The following HABP2 variants were observed in gnomAD, a reference collection of about 807,000 sequenced individuals.
HABP2 encodes the protein factor VII-activating protease.
In HABP2, 65 loss-of-function variants were observed where a neutral mutation model predicts 66.5. The observed-to-expected ratio is 0.98, with a 90% confidence interval of 0.80 to 1.20. HABP2 has a LOEUF of 1.20. HABP2 is among the 50% of genes most tolerant of loss of function. HABP2 has a pLI of 0.00. For missense variants in HABP2, 786 were observed against 691.0 expected, an observed-to-expected ratio of 1.14 and a Z score of -1.54; for synonymous variants, 263 against 253.9, an observed-to-expected ratio of 1.04 and a Z score of -0.34.
chr10:113,586,396 AAAG>A (rs1346109243), intron 12 of HABP2, among the ~76,000 whole-genome samples: 3 of 150,398 alleles, frequency 2.0e-5, no homozygotes, highest in Non-Finnish European at 4.4e-5. Context: ...CTAGAAGGAG[AAAG>A]AAGAAGGCCT....
At position 113,588,712 on chromosome 10, in the gene HABP2, C is replaced by T; in HGVS notation, c.*343C>T. 1.8e-6 allele frequency: 1 copy of T among 547,888 alleles called. No individual in the cohort carries two copies. Among genetic ancestry groups the T allele is most frequent in the Non-Finnish European group, 3.2e-6 (1 of 311,496 alleles). 33.9% of individuals were successfully genotyped at this position (547,888 alleles called of 1,614,324 possible). On this transcript the variant is annotated 3_prime_UTR_variant, in exon 13 of 13. Coordinates refer to ENST00000351270, the MANE Select transcript of HABP2 (RefSeq NM_004132.5). The stretch of plus-strand genomic sequence containing the variant: ...CAAATGCAGACTCCAGAATCCCCAG[C>T]ATCAGCGGGAACCACCATCACATCT...
At position 113,583,305 on chromosome 10, in the gene HABP2, T is replaced by C; in HGVS notation, c.1184T>C (p.Ile395Thr). ...GAGCAGAGCTTTAGGGTGGAGAAGA[T>C]ATTCAAGTACAGCCACTACAATGAA... Reference protein sequence around the residue: ...FHEQSFRVEKIFKYSHYNERD... With the variant: ...FHEQSFRVEKTFKYSHYNERD... The change falls in exon 10 of 13, where the codon ATA becomes ACA. Residue 395 changes from isoleucine (I) to threonine (T), a missense_variant. Physicochemically the swap from Ile to Thr is moderately conservative, Grantham distance 89. Transcript: ENST00000351270. 1 of 1,612,058 alleles carries C rather than the reference T, an allele frequency of 6.2e-7. No homozygotes were observed. The highest frequency in any genetic ancestry group is 8.5e-7 in the Non-Finnish European group (1 of 1,178,120).
At chr10:113,571,264 G>T (rs1407691584) in intron 2 of HABP2, among the ~76,000 whole-genome samples, 1 of 152,154 alleles carries the variant, frequency 6.6e-6, no homozygotes, top group African/African-American at 2.4e-5. Context: ...AGATTGGCTG[G>T]CCTCTTATCT....
intron 4 of HABP2, 105 bp downstream of exon 4, chr10:113,576,109 C>A: frequency 1.4e-6 from 1 of 724,642 alleles, no homozygotes; most frequent in Non-Finnish European, 2.5e-6. Flanking sequence ...ATTATAACTG[C>A]AATACTGTAT....
At chr10:113,576,309 C>T (rs1845408374) in intron 4 of HABP2, among the ~76,000 whole-genome samples, 1 of 152,122 alleles carries the variant, frequency 6.6e-6, no homozygotes, top group Non-Finnish European at 1.5e-5. Flanking sequence ...AGTCTAACTG[C>T]AACAGAGCCA....
rs962460405 is a variant in HABP2 at position 113,589,508 on chromosome 10, C to T, written c.*1139C>T. 1 of 811,562 alleles carries T rather than the reference C, an allele frequency of 1.2e-6. No homozygotes were observed. The highest frequency in any genetic ancestry group is 1.9e-6 in the Non-Finnish European group (1 of 519,248). The allele number at this position is 811,562 out of a possible 1,614,324, so 50.3% of individuals were successfully genotyped here. The stretch of plus-strand genomic sequence containing the variant: ...ACCTGCGTGTCATCTGCCTGGTCAT[C>T]TCAGACCCATGAAATTAGGCGCCTT... On this transcript the variant is annotated 3_prime_UTR_variant, in exon 13 of 13. Transcript: ENST00000351270.
chr10:113,562,376 C>A lies in HABP2; in HGVS notation c.70-5113C>A, dbSNP rs564357244. Among the ~76,000 whole-genome samples the A allele has an allele frequency of 1.8e-4, 28 of 151,866 alleles. No homozygotes were observed. The East Asian group carries it at 4.8e-3, about 26-fold the overall frequency. On this transcript the variant is annotated intron_variant, in intron 1 of 12. Transcript: ENST00000351270. ...CTCAATCTGACTTTTGTACTTTCTC[C>A]AGCTGTCACTGGGGCCAAGTAGGCC...
intron 1 of HABP2, among the ~76,000 whole-genome samples, chr10:113,553,661 T>A (rs1844939531): frequency 6.6e-6 from 1 of 152,258 alleles, no homozygotes; most frequent in African/African-American, 2.4e-5. Context: ...CAAAAGATCC[T>A]GGCAGTGGGT....
chr10:113,586,487 G>C (rs868141818), intron 12 of HABP2, among the ~76,000 whole-genome samples: 24 of 142,590 alleles, frequency 1.7e-4, no homozygotes, highest in African/African-American at 2.0e-4. Context: ...GGGGGGGGGG[G>C]GGTGTTTTAG....
intron 1 of HABP2, among the ~76,000 whole-genome samples, chr10:113,566,433 C>T (rs1845199297): frequency 6.6e-6 from 1 of 152,238 alleles, no homozygotes; most frequent in Admixed American, 6.5e-5. Context: ...CTTTCTTTTT[C>T]AGGTTGAGTA....
chr10:113,570,895 AAACT>A (rs1389101357), intron 2 of HABP2, among the ~76,000 whole-genome samples: 15 of 152,208 alleles, frequency 9.9e-5, no homozygotes, highest in African/African-American at 1.7e-4. Flanking sequence ...TCCTTTTAAG[AAACT>A]AACTATCAAG....
intron 2 of HABP2, among the ~76,000 whole-genome samples, chr10:113,570,927 G>A (rs757178690): frequency 7.9e-5 from 12 of 152,294 alleles, no homozygotes; most frequent in Admixed American, 1.3e-4. Flanking sequence ...AAACAAATAA[G>A]ATAGACCAAA....
chr10:113,572,090 T>C (rs1046069568), intron 2 of HABP2, among the ~76,000 whole-genome samples: 3 of 152,248 alleles, frequency 2.0e-5, no homozygotes, highest in African/African-American at 7.2e-5. Flanking sequence ...GATGGCTTCT[T>C]CCACCCTGGC....
At chr10:113,571,607 G>A (rs1845313290) in intron 2 of HABP2, among the ~76,000 whole-genome samples, 1 of 152,174 alleles carries the variant, frequency 6.6e-6, no homozygotes, top group Non-Finnish European at 1.5e-5. Flanking sequence ...GTGGGTGCAG[G>A]GAGGGGTGGA....
chr10:113,568,768 C>A (rs1198141269), intron 2 of HABP2, among the ~76,000 whole-genome samples: 1 of 152,152 alleles, frequency 6.6e-6, no homozygotes, highest in Non-Finnish European at 1.5e-5. Context: ...TGAAGGGGAT[C>A]CCTGGGTCTG....
At chr10:113,577,336 G>C (rs1422030574) in intron 5 of HABP2, 70 bp downstream of exon 5, 2 of 834,048 alleles carry the variant, frequency 2.4e-6, no homozygotes, top group South Asian at 1.4e-5. Context: ...CTTCTGCATG[G>C]AAGGCCAGAT....
chr10:113,566,293 C>A (rs2133754841), intron 1 of HABP2, among the ~76,000 whole-genome samples: 1 of 152,344 alleles, frequency 6.6e-6, no homozygotes, highest in East Asian at 1.9e-4. Context: ...CATAAACAAA[C>A]AGGCATGGTT....
In HABP2 at chr10:113,581,922, T is replaced by G; in HGVS notation, c.885T>G (p.Leu295=). ...EESPTEPSTK[L]PGFDSCGKTE... ...GCCCCACTGAGCCATCAACCAAGCT[T>G]CCGGGGTTTGACTCCTGTGGAAAGA... Residue 295 remains leucine (L), a synonymous_variant, in exon 9 of 13, where the codon CTT becomes CTG. Coordinates refer to ENST00000351270, the MANE Select transcript of HABP2 (RefSeq NM_004132.5). 7 of 1,614,082 alleles carry G rather than the reference T, an allele frequency of 4.3e-6. No individual in the cohort carries two copies. The highest frequency in any genetic ancestry group is 5.9e-6 in the Non-Finnish European group (7 of 1,179,930).
At chr10:113,559,101 C>T (rs773024306) in intron 1 of HABP2, among the ~76,000 whole-genome samples, 3 of 152,190 alleles carry the variant, frequency 2.0e-5, no homozygotes, top group Non-Finnish European at 4.4e-5. Flanking sequence ...GTGATCCACC[C>T]GCCCTGGCCT....
Sources: gnomAD v4.1 joint callset for allele counts (sites outside exome capture counted in the v4.1 genomes callset) on GRCh38, gnomAD v4.1.1 for gene constraint, MANE v1.5 for transcripts, NCBI Gene and HGNC (gene_info 2026-07-23, HGNC 2026-07-21) for gene names.